RYR2: variants seen among roughly 807,000 people sequenced by gnomAD.
The protein encoded by RYR2 is cardiac muscle ryanodine receptor-calcium release channel.
RYR2 carries 227 observed loss-of-function variants against 601.1 expected under a neutral mutation model. The observed-to-expected ratio is 0.38, with a 90% CI of 0.34 to 0.42. The LOEUF (loss-of-function observed/expected upper bound fraction) is 0.42. Among genes scored for constraint, RYR2 ranks in the 10% least tolerant of loss-of-function variants. The pLI is 1.00. For missense variants in RYR2, 4,646 were observed against 6,156.5 expected (o/e 0.75, Z 8.21); for synonymous variants, 2,223 against 2,175.1 (o/e 1.02, Z -0.61).
intron 73 of RYR2, among the ~76,000 whole-genome samples, chr1:237,720,024 C>G (rs1379051789): frequency 6.6e-6 from 1 of 152,182 alleles, no homozygotes; most frequent in Non-Finnish European, 1.5e-5. Context: ...ATCGATAGAA[C>G]ACCTACTTTT....
At chr1:237,744,641 A>G (rs574253360) in intron 80 of RYR2, among the ~76,000 whole-genome samples, 4 of 151,708 alleles carry the variant, frequency 2.6e-5, no homozygotes, top group African/African-American at 9.7e-5. Flanking sequence ...GGGCGACAAG[A>G]GTGAAACTCC....
chr1:237,212,857 C>T (rs1682745405), intron 1 of RYR2, among the ~76,000 whole-genome samples: 1 of 151,222 alleles, frequency 6.6e-6, no homozygotes. Flanking sequence ...TCACTGCAAC[C>T]TCCGCCTCCC....
intron 2 of RYR2, among the ~76,000 whole-genome samples, chr1:237,327,673 A>G (rs1696298156): frequency 6.6e-6 from 1 of 152,254 alleles, no homozygotes; most frequent in Non-Finnish European, 1.5e-5. Context: ...GTGGTGCTTC[A>G]TCATTTCCAG....
At chr1:237,321,831 G>GA (rs1258664079) in intron 2 of RYR2, among the ~76,000 whole-genome samples, 1 of 152,154 alleles carries the variant, frequency 6.6e-6, no homozygotes, top group Non-Finnish European at 1.5e-5. Flanking sequence ...TACAGGATCT[G>GA]AAAATATCTC....
At chr1:237,125,434 A>G (rs1232107674) in intron 1 of RYR2, among the ~76,000 whole-genome samples, 1 of 152,136 alleles carries the variant, frequency 6.6e-6, no homozygotes, top group Non-Finnish European at 1.5e-5. Context: ...AAAAAAAAAA[A>G]AAAAGCAGAC....
At chr1:237,140,648 G>A (rs1673292133) in intron 1 of RYR2, among the ~76,000 whole-genome samples, 1 of 152,204 alleles carries the variant, frequency 6.6e-6, no homozygotes, top group Admixed American at 6.5e-5. Flanking sequence ...CCTAGTTGGT[G>A]GAGTTTGTTG....
intron 73 of RYR2, among the ~76,000 whole-genome samples, chr1:237,719,432 T>C (rs1689525256): frequency 6.6e-6 from 1 of 152,080 alleles, no homozygotes; most frequent in Non-Finnish European, 1.5e-5. Flanking sequence ...GTACAGAAAG[T>C]ATAACACGGG....
In RYR2 at chr1:237,641,043, C is replaced by T. The variant is rs752308884; in HGVS notation, c.7221+41C>T. The stretch of plus-strand genomic sequence containing the variant: ...TTCAGGAGCAGCAATCCTGATTTCT[C>T]TGTGTTAAGACATCTATAGCTGTCA... On this transcript the variant is annotated intron_variant, in intron 47 of 104. Transcript: ENST00000366574. 2.7e-6 allele frequency: 4 copies of T among 1,465,062 alleles called. No homozygotes were observed. In the East Asian group the frequency reaches 6.9e-5, roughly 25 times the overall value. The allele number at this position is 1,465,062 out of a possible 1,614,324, so 90.8% of individuals were successfully genotyped here. A position where few individuals can be genotyped will look rare whatever the true frequency, so the allele number is the denominator to read the frequency against.
chr1:237,514,551 T>C (rs1314199935), intron 24 of RYR2, among the ~76,000 whole-genome samples: 1 of 152,258 alleles, frequency 6.6e-6, no homozygotes, highest in Non-Finnish European at 1.5e-5. Flanking sequence ...GGAAAACATC[T>C]GTACTTCTCT....
intron 101 of RYR2, among the ~76,000 whole-genome samples, chr1:237,827,282 G>C (rs750004384): frequency 6.6e-6 from 1 of 152,102 alleles, no homozygotes; most frequent in Non-Finnish European, 1.5e-5. Flanking sequence ...TCAACACAGT[G>C]TTTCTGATTG....
chr1:237,333,470 G>A, intron 3 of RYR2: 2 of 374,284 alleles, frequency 5.3e-6, no homozygotes, highest in East Asian at 7.4e-5. Flanking sequence ...TGGATTTGGA[G>A]GTAGCCCGAG....
intron 24 of RYR2, among the ~76,000 whole-genome samples, chr1:237,524,604 A>G (rs1216748981): frequency 6.6e-6 from 1 of 152,190 alleles, no homozygotes; most frequent in Non-Finnish European, 1.5e-5. Context: ...GTCCATTCAC[A>G]TAAGTGTAAT....
At chr1:237,248,441 T>C (rs1375007393) in intron 1 of RYR2, among the ~76,000 whole-genome samples, 1 of 152,174 alleles carries the variant, frequency 6.6e-6, no homozygotes, top group Non-Finnish European at 1.5e-5. Flanking sequence ...GTTATTTTCT[T>C]GTTTTTTATT....
At position 237,303,346 on chromosome 1, in the gene RYR2, C is replaced by A. The variant is rs1386415439; in HGVS notation, c.169-27532C>A. The stretch of plus-strand genomic sequence containing the variant: ...ACAGAGTCTTGCTCTATTGCCCAGA[C>A]TGGAGTGCAGTGGTGCAATGTCAGC... On this transcript the variant is annotated intron_variant, in intron 2 of 104. Coordinates refer to ENST00000366574, the MANE Select transcript of RYR2 (RefSeq NM_001035.3). Among the ~76,000 whole-genome samples, 4 of 125,164 alleles carry A rather than the reference C, an allele frequency of 3.2e-5. No individual in the cohort carries two copies. In the East Asian group the frequency reaches 1.0e-3, roughly 32 times the overall value. 82.1% of individuals were successfully genotyped at this position (125,164 alleles called of 152,430 possible).
intron 1 of RYR2, among the ~76,000 whole-genome samples, chr1:237,066,645 T>C (rs1453966276): frequency 1.3e-5 from 2 of 151,926 alleles, no homozygotes. Context: ...GTCTTTCTTT[T>C]TTTTTTTTTT....
At chr1:237,493,751 C>T (rs560812986) in intron 19 of RYR2, among the ~76,000 whole-genome samples, 2 of 152,102 alleles carry the variant, frequency 1.3e-5, no homozygotes, top group Admixed American at 1.3e-4. Context: ...TGCGCCCAGC[C>T]CCTTCAATAT....
chr1:237,204,581 C>G (rs1348403713), intron 1 of RYR2, among the ~76,000 whole-genome samples: 1 of 152,032 alleles, frequency 6.6e-6, no homozygotes, highest in African/African-American at 2.4e-5. Context: ...CCCTAACAGC[C>G]ATGTCAGTAG....
chr1:237,124,748 A>G (rs1671217898), intron 1 of RYR2, among the ~76,000 whole-genome samples: 1 of 152,138 alleles, frequency 6.6e-6, no homozygotes, highest in African/African-American at 2.4e-5. Context: ...CACAGGGTCT[A>G]GAAATTATGA....
At chr1:237,521,838 C>T (rs1667117011) in intron 24 of RYR2, among the ~76,000 whole-genome samples, 1 of 152,064 alleles carries the variant, frequency 6.6e-6, no homozygotes, top group Non-Finnish European at 1.5e-5. Flanking sequence ...CTGGGGCCTC[C>T]CCTCTCACCA....
Sources: gnomAD v4.1 joint callset for allele counts (sites outside exome capture counted in the v4.1 genomes callset) on GRCh38, gnomAD v4.1.1 for gene constraint, MANE v1.5 for transcripts, NCBI Gene and HGNC (gene_info 2026-07-23, HGNC 2026-07-21) for gene names.